Variants in PDSS2 observed in about 807,000 individuals in gnomAD.
PDSS2 encodes the protein all trans-polyprenyl-diphosphate synthase PDSS2.
PDSS2 carries 31 observed loss-of-function variants against 44.5 expected under a neutral mutation model. The ratio of observed to expected loss-of-function variants is 0.70; its 90% CI spans 0.52 to 0.94. PDSS2 has a LOEUF of 0.94. Among genes scored for constraint, PDSS2 ranks in the 40% least tolerant of loss-of-function variants. The pLI is 0.00. For synonymous variants in PDSS2, 157 were observed against 180.3 expected, an observed-to-expected ratio of 0.87 and a Z score of 1.03; for missense variants, 452 against 482.2, an observed-to-expected ratio of 0.94 and a Z score of 0.59.
chr6:107,211,629 C>T (rs879278077), intron 5 of PDSS2, among the ~76,000 whole-genome samples: 1 of 151,202 alleles, frequency 6.6e-6, no homozygotes, highest in Non-Finnish European at 1.5e-5. Context: ...ACTCAGGAGG[C>T]TGAGGCAGGA....
chr6:107,420,332 C>T (rs1780785043), intron 1 of PDSS2, among the ~76,000 whole-genome samples: 1 of 152,130 alleles, frequency 6.6e-6, no homozygotes, highest in Non-Finnish European at 1.5e-5. Flanking sequence ...TAGCCTTTTG[C>T]TGCGACTACC....
chr6:107,249,486 C>T (rs1430879948), intron 3 of PDSS2, among the ~76,000 whole-genome samples: 3 of 152,084 alleles, frequency 2.0e-5, no homozygotes, highest in Non-Finnish European at 2.9e-5. Context: ...CAGTCAGCAT[C>T]AATGTTAAAT....
chr6:107,458,956 G>C (rs958751065), intron 1 of PDSS2, 34 bp downstream of exon 1: 3 of 1,604,516 alleles, frequency 1.9e-6, no homozygotes, highest in South Asian at 2.2e-5. Context: ...ATTCCAATGA[G>C]TGCGAGTGTG....
At chr6:107,399,748 A>T (rs1406139461) in intron 1 of PDSS2, among the ~76,000 whole-genome samples, 1 of 152,180 alleles carries the variant, frequency 6.6e-6, no homozygotes, top group East Asian at 1.9e-4. Context: ...TTCTTAGTGA[A>T]CTAAAACATT....
chr6:107,175,245 C>G (rs748287937), intron 7 of PDSS2, among the ~76,000 whole-genome samples: 2 of 151,472 alleles, frequency 1.3e-5, no homozygotes, highest in African/African-American at 4.8e-5. Flanking sequence ...CTCTCTCTCT[C>G]GCTCTATCTG....
intron 7 of PDSS2, among the ~76,000 whole-genome samples, chr6:107,163,805 G>A (rs562111084): frequency 3.9e-4 from 59 of 152,198 alleles, no homozygotes; most frequent in African/African-American, 1.3e-3. Context: ...GTTTCACCAC[G>A]TTGGCCAGGC....
At chr6:107,257,868 C>T (rs574299108) in intron 3 of PDSS2, among the ~76,000 whole-genome samples, 1 of 152,290 alleles carries the variant, frequency 6.6e-6, no homozygotes, top group Non-Finnish European at 1.5e-5. Context: ...CTGCCCACCT[C>T]GGCCTCCCAA....
intron 1 of PDSS2, among the ~76,000 whole-genome samples, chr6:107,421,312 C>A (rs1274394330): frequency 6.6e-6 from 1 of 152,106 alleles, no homozygotes; most frequent in Non-Finnish European, 1.5e-5. Flanking sequence ...ATACACTTAC[C>A]ATACAACCCA....
chr6:107,419,089 T>C (rs1780749659), intron 1 of PDSS2, among the ~76,000 whole-genome samples: 1 of 151,408 alleles, frequency 6.6e-6, no homozygotes. Context: ...TCCCCAGAGA[T>C]TTTGATTTGA....
chr6:107,253,748 GTGCA>G (rs1774905758), intron 3 of PDSS2, among the ~76,000 whole-genome samples: 1 of 152,102 alleles, frequency 6.6e-6, no homozygotes, highest in African/African-American at 2.4e-5. Flanking sequence ...TTGAATAAAG[GTGCA>G]TGGTCTTGGA....
chr6:107,406,928 G>A (rs1216215001), intron 1 of PDSS2, among the ~76,000 whole-genome samples: 1 of 152,220 alleles, frequency 6.6e-6, no homozygotes, highest in Non-Finnish European at 1.5e-5. Context: ...CTCCAGGGGA[G>A]ATTAGAAAGG....
At chr6:107,189,582 C>A (rs1206738309) in intron 7 of PDSS2, among the ~76,000 whole-genome samples, 1 of 152,184 alleles carries the variant, frequency 6.6e-6, no homozygotes, top group African/African-American at 2.4e-5. Flanking sequence ...AGGTGGTCCA[C>A]CCCCATGGCC....
intron 2 of PDSS2, among the ~76,000 whole-genome samples, chr6:107,295,080 C>T (rs541850425): frequency 9.2e-5 from 14 of 152,150 alleles, no homozygotes; most frequent in South Asian, 2.1e-4. Context: ...TACAGGCGCA[C>T]GCCACCAAGC....
chr6:107,211,097 A>G (rs1773188755), intron 5 of PDSS2, among the ~76,000 whole-genome samples: 1 of 151,826 alleles, frequency 6.6e-6, no homozygotes, highest in South Asian at 2.1e-4. Flanking sequence ...TCTTTATTTT[A>G]CTTTTTAAGT....
At chr6:107,366,951 A>G (rs1778976626) in intron 1 of PDSS2, among the ~76,000 whole-genome samples, 1 of 152,176 alleles carries the variant, frequency 6.6e-6, no homozygotes, top group Non-Finnish European at 1.5e-5. Context: ...ACAAACTTAG[A>G]AAATATAGAA....
At chr6:107,284,227 C>T (rs1182191370) in intron 2 of PDSS2, among the ~76,000 whole-genome samples, 2 of 151,978 alleles carry the variant, frequency 1.3e-5, no homozygotes, top group African/African-American at 4.8e-5. Flanking sequence ...TAATCTTCCA[C>T]TTAGAAATAA....
chr6:107,351,183 T>C (rs984674185), intron 1 of PDSS2, among the ~76,000 whole-genome samples: 2 of 152,216 alleles, frequency 1.3e-5, no homozygotes, highest in African/African-American at 4.8e-5. Context: ...GAAACCTTTG[T>C]CTCTGAGCAC....
In PDSS2 at chr6:107,285,571, A is replaced by C. The variant is rs538714499; in HGVS notation, c.432-11344T>G. Among the ~76,000 whole-genome samples, 6 of 152,334 alleles carry C rather than the reference A, an allele frequency of 3.9e-5. No homozygotes were observed. The South Asian group carries it at 1.2e-3, about 32-fold the overall frequency. ...TGAAATGGAATCCAGAGAGAGATTC[A>C]AATGCAAATGAATAATTATTTACGA... On this transcript the variant is annotated intron_variant, in intron 2 of 7. Transcript: ENST00000369037.
chr6:107,282,955 C>T (rs1776018334), intron 2 of PDSS2, among the ~76,000 whole-genome samples: 1 of 149,810 alleles, frequency 6.7e-6, no homozygotes, highest in South Asian at 2.2e-4. Flanking sequence ...AACTTCTAAG[C>T]TGAAGCAATC....
Sources: allele counts gnomAD v4.1 joint callset (sites outside exome capture counted in the v4.1 genomes callset), GRCh38; gene constraint gnomAD v4.1.1; transcripts MANE v1.5; gene names NCBI Gene and HGNC (gene_info 2026-07-23, HGNC 2026-07-21).